ADPRHL1: variants seen among roughly 807,000 people sequenced by gnomAD.
ADPRHL1 encodes the protein inactive ADP-ribosyltransferase ARH2.
Under a neutral mutation model 44.1 loss-of-function variants are expected in ADPRHL1, and 43 were observed. The ratio of observed to expected loss-of-function variants is 0.98; its 90% CI spans 0.76 to 1.26. ADPRHL1 has a LOEUF of 1.26. Among genes scored for constraint, ADPRHL1 ranks in the 50% most tolerant of loss-of-function variants. The pLI is 0.00. For missense variants in ADPRHL1, 2,022 were observed against 2,496.9 expected (o/e 0.81, Z 4.05); for synonymous variants, 878 against 1,017.4 (o/e 0.86, Z 2.61).
At chr13:113,444,897 A>G (rs2044126196) in intron 1 of ADPRHL1, among the ~76,000 whole-genome samples, 1 of 152,170 alleles carries the variant, frequency 6.6e-6, no homozygotes, top group Admixed American at 6.5e-5. Flanking sequence ...TGCTGGGATT[A>G]CAGGCGTGAG....
rs151296197 is a variant in ADPRHL1, at chr13:113,422,386, T to C, written c.1061+440A>G. ...AGGGTGGGGGGTGGGGGGAGGTGCATTGGCCCTCACGGGGAAACGCATGCC... is the reference window on the plus strand; with the variant it reads ...AGGGTGGGGGGTGGGGGGAGGTGCACTGGCCCTCACGGGGAAACGCATGCC... On this transcript the variant is annotated intron_variant, in intron 7 of 7. Coordinates refer to ENST00000612156, the MANE Select transcript of ADPRHL1 (RefSeq NM_001394807.1). The C allele has an allele frequency of 7.1e-3, 1,200 of 168,866 alleles. 22 individuals are homozygous for C. The highest frequency in any genetic ancestry group is 0.027 in the African/African-American group (1,127 of 41,270). 10.5% of individuals were successfully genotyped at this position (168,866 alleles called of 1,614,324 possible). A position where few individuals can be genotyped will look rare whatever the true frequency, so the allele number is the denominator to read the frequency against.
At chr13:113,446,102 C>G (rs964932040) in intron 1 of ADPRHL1, among the ~76,000 whole-genome samples, 2 of 146,188 alleles carry the variant, frequency 1.4e-5, no homozygotes, top group Non-Finnish European at 3.0e-5. Flanking sequence ...AGAGAGAGTA[C>G]GCAGGGCCCC....
At chr13:113,422,522 A>T (rs1414163579) in intron 7 of ADPRHL1, 2 of 349,848 alleles carry the variant, frequency 5.7e-6, no homozygotes, top group African/African-American at 4.1e-5. Flanking sequence ...CTGCGACAGA[A>T]TAAAATACAG....
At chr13:113,449,067 T>C (rs548824545) in intron 1 of ADPRHL1, 2 of 987,412 alleles carry the variant, frequency 2.0e-6, no homozygotes, top group African/African-American at 1.7e-5. Flanking sequence ...TTCAGGGCCA[T>C]GGATGCCACC....
chr13:113,413,785 C>T (rs969637669), intron 7 of ADPRHL1, among the ~76,000 whole-genome samples: 4 of 152,220 alleles, frequency 2.6e-5, no homozygotes, highest in Admixed American at 2.6e-4. Context: ...CTCAGCGTCC[C>T]CTCAGCACTT....
At position 113,425,190 on chromosome 13, in the gene ADPRHL1, A is replaced by G. The variant is rs766903772; in HGVS notation, c.647-11T>C. ...AGTGCTCCTGGTATTCTAAACATAA[A>G]GAACAAGGGGAGCTGAACACAATGG... On this transcript the variant is annotated splice_polypyrimidine_tract_variant and intron_variant, in intron 4 of 7. Coordinates refer to ENST00000612156, the MANE Select transcript of ADPRHL1 (RefSeq NM_001394807.1). 2 of 1,562,712 alleles carry G rather than the reference A, an allele frequency of 1.3e-6. No individual in the cohort carries two copies. Among genetic ancestry groups the G allele is most frequent in the African/African-American group, 2.7e-5 (2 of 73,118 alleles).
rs951614126 is a variant in ADPRHL1 at position 113,404,793 on chromosome 13, G to A, written c.4489C>T (p.Arg1497Trp). The A allele has an allele frequency of 1.1e-5, 14 of 1,254,576 alleles. No homozygotes were observed. Among genetic ancestry groups the A allele is most frequent in the African/African-American group, 7.7e-5 (5 of 64,536 alleles). The allele number at this position is 1,254,576 out of a possible 1,614,324, so 77.7% of individuals were successfully genotyped here. ...QAQKQVQEWDRGQVQGHAQEQ... is the reference protein window; with the variant it reads ...QAQKQVQEWDWGQVQGHAQEQ... Reference sequence around the variant, plus strand: ...TGAGCGTGTCCCTGAACCTGTCCCCGGTCCCATTCCTGAACCTGTTTCTGG... The same window carrying A: ...TGAGCGTGTCCCTGAACCTGTCCCCAGTCCCATTCCTGAACCTGTTTCTGG... Residue 1497 changes from arginine (R) to tryptophan (W), a missense_variant, in exon 8 of 8, where the codon CGG becomes TGG. Transcript: ENST00000612156.
chr13:113,404,367 G>T lies in ADPRHL1; in HGVS notation c.4915C>A (p.Arg1639=). The part of the protein sequence containing the change: ...QEQTQKGAQE[R]VQGQAQKGAQ... Reference sequence around the variant, plus strand: ...CCTTTCTGGGCCTGACCCTGAACCCGTTCCTGAGCCCCTTTCTGGGTCTGT... The same window carrying T: ...CCTTTCTGGGCCTGACCCTGAACCCTTTCCTGAGCCCCTTTCTGGGTCTGT... The change falls in exon 8 of 8, where the codon CGG becomes AGG. Residue 1639 remains arginine (R), a synonymous_variant. Transcript: ENST00000612156. 1 of 1,316,406 alleles carries T rather than the reference G, an allele frequency of 7.6e-7. No homozygotes were observed. The highest frequency in any genetic ancestry group is 9.6e-7 in the Non-Finnish European group (1 of 1,040,770). The allele number at this position is 1,316,406 out of a possible 1,614,324, so 81.5% of individuals were successfully genotyped here. A position where few individuals can be genotyped will look rare whatever the true frequency, so the allele number is the denominator to read the frequency against.
chr13:113,410,482 C>T (rs564797181), intron 7 of ADPRHL1, among the ~76,000 whole-genome samples: 2 of 152,298 alleles, frequency 1.3e-5, no homozygotes, highest in South Asian at 2.1e-4. Flanking sequence ...GACATTTACA[C>T]GAAAACTAAA....
intron 1 of ADPRHL1, among the ~76,000 whole-genome samples, chr13:113,448,465 CAAAAAAA>C (rs61278696): frequency 1.3e-4 from 5 of 39,844 alleles, no homozygotes; most frequent in South Asian, 1.2e-3. Flanking sequence ...GACTATGTCC[CAAAAAAA>C]AAAAAAAAAA....
intron 2 of ADPRHL1, among the ~76,000 whole-genome samples, chr13:113,435,137 ACCCGG>A: frequency 2.8e-5 from 2 of 72,608 alleles, no homozygotes; most frequent in Non-Finnish European, 5.9e-5. Context: ...GTACCCCAGG[ACCCGG>A]CACCCACGCA....
At chr13:113,437,125 CGT>C (rs746712864) in intron 2 of ADPRHL1, among the ~76,000 whole-genome samples, 15 of 134,138 alleles carry the variant, frequency 1.1e-4, no homozygotes, top group Non-Finnish European at 6.4e-5. Flanking sequence ...AGCACCCACA[CGT>C]AGAGTGAACA....
intron 3 of ADPRHL1, among the ~76,000 whole-genome samples, chr13:113,429,891 T>C (rs1364143444): frequency 1.3e-5 from 2 of 152,238 alleles, no homozygotes; most frequent in Non-Finnish European, 2.9e-5. Flanking sequence ...TTATTTTCTT[T>C]GGTATGTCAA....
chr13:113,453,313 C>A lies in ADPRHL1; in HGVS notation c.125G>T (p.Gly42Val). Reference protein sequence around the residue: ...KIQEELQRSGGLDHLVLSPGE... With the variant: ...KIQEELQRSGVLDHLVLSPGE... ...TGGCGAGAGTACGAGGTGGTCCAGG[C>A]CCCCGGAACGTTGCAGCTCCTCCTG... is the stretch of plus-strand genomic sequence containing the variant. Residue 42 changes from glycine (G) to valine (V), a missense_variant, in exon 1 of 8, where the codon GGC becomes GTC. Gly to Val is a moderately radical substitution (Grantham distance 109). Transcript: ENST00000612156. The surrounding 1 kb of genome is among the most constrained non-coding windows in gnomAD (Gnocchi z 5.4). The A allele has an allele frequency of 1.2e-6, 2 of 1,614,176 alleles. No homozygotes were observed. Among genetic ancestry groups the A allele is most frequent in the Non-Finnish European group, 1.7e-6 (2 of 1,180,036 alleles).
rs774469077 is a variant in ADPRHL1, at chr13:113,424,381, C to T, written c.775-32G>A. ...AGAGAGCCGTGGGTCGGGGCGTGTG[C>T]CCAAGTGGAGCCACTTCTGGGTATA... On this transcript the variant is annotated intron_variant, in intron 5 of 7. Transcript: ENST00000612156. 3 of 1,611,694 alleles carry T rather than the reference C, an allele frequency of 1.9e-6. No homozygotes were observed. In the South Asian group the frequency reaches 3.3e-5, roughly 18 times the overall value.
At chr13:113,410,166 G>A (rs978695488) in intron 7 of ADPRHL1, 7 of 978,260 alleles carry the variant, frequency 7.2e-6, no homozygotes, top group South Asian at 9.4e-5. Context: ...TGGCAGGGCC[G>A]CAGATGGAAC....
chr13:113,445,998 C>A (rs947034092), intron 1 of ADPRHL1, among the ~76,000 whole-genome samples: 1 of 151,512 alleles, frequency 6.6e-6, no homozygotes, highest in Middle Eastern at 3.2e-3. Flanking sequence ...GGCTGCACAC[C>A]CCCCAGAGAG....
At chr13:113,411,409 G>C (rs1420409807) in intron 7 of ADPRHL1, among the ~76,000 whole-genome samples, 4 of 152,182 alleles carry the variant, frequency 2.6e-5, no homozygotes, top group African/African-American at 4.8e-5. Flanking sequence ...TGGACTAGCT[G>C]CATGTCCTCC....
At chr13:113,435,492 A>G (rs1376311203) in intron 2 of ADPRHL1, among the ~76,000 whole-genome samples, 51 of 57,100 alleles carry the variant, frequency 8.9e-4, no homozygotes, top group Admixed American at 1.1e-3. Flanking sequence ...CCAGGTGTAG[A>G]GTGAACACAG....
Sources: allele counts gnomAD v4.1 joint callset (sites outside exome capture counted in the v4.1 genomes callset), GRCh38; gene constraint gnomAD v4.1.1; non-coding constraint Gnocchi (gnomAD v3.1); transcripts MANE v1.5; gene names NCBI Gene and HGNC (gene_info 2026-07-23, HGNC 2026-07-21).